WRN: variants seen among roughly 807,000 people sequenced by gnomAD.
WRN encodes bifunctional 3'-5' exonuclease/ATP-dependent helicase WRN.
Under a neutral mutation model 180.7 loss-of-function variants are expected in WRN, and 149 were observed. The observed-to-expected ratio is 0.82, with a 90% CI of 0.72 to 0.94. The LOEUF (loss-of-function observed/expected upper bound fraction) is 0.94. Ranked by LOEUF, WRN falls within the 40% of genes least tolerant of loss-of-function variation. The pLI is 0.00. For missense variants in WRN, 1,661 were observed against 1,700.1 expected, an observed-to-expected ratio of 0.98 and a Z score of 0.40; for synonymous variants, 548 against 568.9, an observed-to-expected ratio of 0.96 and a Z score of 0.52.
rs113672137 is a variant in WRN, at chr8:31,076,285, G to C, written c.837G>C (p.Arg279=). The C allele has an allele frequency of 1.4e-5, 22 of 1,611,126 alleles. No individual in the cohort carries two copies. In the African/African-American group the frequency reaches 2.4e-4, roughly 18 times the overall value. Residue 279 remains arginine (R), a splice_region_variant and synonymous_variant, in exon 8 of 35, where the codon CGG becomes CGC. Transcript: ENST00000298139. The part of the protein sequence containing the change: ...PHAFSKLENP[R]RVSILLKDIS... ...CTTTCAGTAAATTGGAAAACCCACGGAGGTTAAATATTACCTTTTTTTTTT... is the reference window on the plus strand; with the variant it reads ...CTTTCAGTAAATTGGAAAACCCACGCAGGTTAAATATTACCTTTTTTTTTT...
intron 34 of WRN, among the ~76,000 whole-genome samples, chr8:31,168,054 T>C (rs1803967486): frequency 6.6e-6 from 1 of 152,118 alleles, no homozygotes; most frequent in Non-Finnish European, 1.5e-5. Context: ...CTTTATAGGA[T>C]GTCCAGCAAT....
intron 1 of WRN, among the ~76,000 whole-genome samples, chr8:31,052,225 T>C (rs867787106): frequency 1.3e-5 from 2 of 152,298 alleles, no homozygotes; most frequent in Middle Eastern, 3.4e-3. Context: ...TGTCCCCTGA[T>C]TGTTAAAAGG....
At chr8:31,100,760 G>T (rs1814189583) in intron 17 of WRN, 89 bp from the exon 18 acceptor site, 4 of 1,078,490 alleles carry the variant, frequency 3.7e-6, no homozygotes, top group South Asian at 2.7e-5. Flanking sequence ...CTTTGATTTG[G>T]TTATTTATTC....
At chr8:31,085,136 G>A in intron 10 of WRN, 30 bp from the exon 11 acceptor site, 1 of 1,608,388 alleles carries the variant, frequency 6.2e-7, no homozygotes, top group Non-Finnish European at 8.5e-7. Flanking sequence ...AATTATATTG[G>A]AAATTAATGC....
intron 1 of WRN, among the ~76,000 whole-genome samples, chr8:31,039,744 G>A (rs1219944452): frequency 1.3e-5 from 2 of 152,024 alleles, no homozygotes; most frequent in African/African-American, 2.4e-5. Flanking sequence ...AGTTTTCTGA[G>A]TTTTTATCAT....
At chr8:31,126,736 G>A (rs1801945103) in intron 23 of WRN, among the ~76,000 whole-genome samples, 1 of 152,044 alleles carries the variant, frequency 6.6e-6, no homozygotes, top group African/African-American at 2.4e-5. Context: ...AAAGCAGCAT[G>A]CAGCATTCAT....
chr8:31,125,079 G>A, intron 23 of WRN, 79 bp downstream of exon 23: 1 of 1,349,500 alleles, frequency 7.4e-7, no homozygotes, highest in Non-Finnish European at 1.1e-6. Context: ...AATTTTTGTT[G>A]AATGATAAGT....
At chr8:31,080,459 T>TG (rs1813256833) in intron 8 of WRN, among the ~76,000 whole-genome samples, 1 of 151,830 alleles carries the variant, frequency 6.6e-6, no homozygotes, top group African/African-American at 2.4e-5. Flanking sequence ...CACCTTTTTT[T>TG]TTTTAACAAA....
At position 31,084,481 on chromosome 8, in the gene WRN, A is replaced by C. The variant is rs147937090; in HGVS notation, c.1351-685A>C. Among the ~76,000 whole-genome samples, 8 of 152,260 alleles carry C rather than the reference A, an allele frequency of 5.3e-5. No homozygotes were observed. In the East Asian group the frequency reaches 1.5e-3, roughly 29 times the overall value. On this transcript the variant is annotated intron_variant, in intron 10 of 34. Coordinates refer to ENST00000298139, the MANE Select transcript of WRN (RefSeq NM_000553.6). ...AATTTTTTTATTGCTTAAATTTTGC[A>C]GGTTAATTAAGGCTGTGCTTCCTTT...
At position 31,157,465 on chromosome 8, in the gene WRN, C is replaced by T. The variant is rs761690581; in HGVS notation, c.3917C>T (p.Ala1306Val). The T allele has an allele frequency of 6.2e-7, 1 of 1,614,122 alleles. No individual in the cohort carries two copies. Among genetic ancestry groups the T allele is most frequent in the South Asian group, 1.1e-5 (1 of 91,078 alleles). Residue 1306 changes from alanine to valine, a missense_variant, in exon 33 of 35, where the codon GCA becomes GTA. Transcript: ENST00000298139. Reference protein sequence around the residue: ...KAGCPLDLERAGLTPEVQKII... With the variant: ...KAGCPLDLERVGLTPEVQKII... The stretch of plus-strand genomic sequence containing the variant: ...GGCTGCCCCCTTGATTTGGAGCGAG[C>T]AGGCCTGACTCCAGAGGTTCAGAAG...
At position 31,081,194 on chromosome 8, in the gene WRN, A is replaced by T; in HGVS notation, c.1167A>T (p.Arg389Ser). The T allele has an allele frequency of 6.2e-7, 1 of 1,614,002 alleles. No individual in the cohort carries two copies. The highest frequency in any genetic ancestry group is 1.7e-4 in the Middle Eastern group (1 of 6,060). ...EDNKLKENME[R>S]ACLMSLDITE... ...ACAAATTGAAAGAGAATATGGAAAGAGCTTGTTTGATGTCGTTAGATATTA... is the reference window on the plus strand; with the variant it reads ...ACAAATTGAAAGAGAATATGGAAAGTGCTTGTTTGATGTCGTTAGATATTA... Residue 389 changes from arginine (R) to serine (S), a missense_variant, in exon 9 of 35, where the codon AGA becomes AGT. Around this residue, in one of 3 missense-constraint regions of WRN, gnomAD observed 500 missense variants for 504.1 expected, o/e 0.99. Coordinates refer to ENST00000298139, the MANE Select transcript of WRN (RefSeq NM_000553.6).
chr8:31,036,710 T>A (rs983847319), intron 1 of WRN, among the ~76,000 whole-genome samples: 5 of 152,338 alleles, frequency 3.3e-5, no homozygotes, highest in African/African-American at 9.6e-5. Context: ...TTAATTTTTT[T>A]ATTTTTTTGC....
chr8:31,105,159 A>G (rs1033879572), intron 18 of WRN, among the ~76,000 whole-genome samples: 4 of 152,206 alleles, frequency 2.6e-5, no homozygotes, highest in Admixed American at 2.0e-4. Flanking sequence ...TTGAGGGAAA[A>G]TCAAACCATG....
chr8:31,072,884 A>G (rs1487183650), intron 7 of WRN, among the ~76,000 whole-genome samples: 2 of 152,122 alleles, frequency 1.3e-5, no homozygotes, highest in African/African-American at 4.8e-5. Flanking sequence ...GCTTAGCAGG[A>G]TTAGAGGGAA....
At chr8:31,065,773 G>A (rs1812671978) in intron 5 of WRN, among the ~76,000 whole-genome samples, 1 of 152,106 alleles carries the variant, frequency 6.6e-6, no homozygotes, top group South Asian at 2.1e-4. Flanking sequence ...GGGATTGCTG[G>A]GGCAAATGGT....
intron 1 of WRN, among the ~76,000 whole-genome samples, chr8:31,047,640 C>T (rs1563321016): frequency 6.6e-6 from 1 of 152,158 alleles, no homozygotes; most frequent in Non-Finnish European, 1.5e-5. Flanking sequence ...TTAACATCCA[C>T]TTACTGATGA....
intron 18 of WRN, among the ~76,000 whole-genome samples, chr8:31,110,876 G>T (rs11574282): frequency 6.6e-6 from 1 of 152,030 alleles, no homozygotes; most frequent in Admixed American, 6.5e-5. Context: ...ATAAAAACAC[G>T]AGTTCTAGTT....
chr8:31,064,322 T>G lies in WRN; in HGVS notation c.243T>G (p.Phe81Leu), dbSNP rs1194660232. Reference sequence around the variant, plus strand: ...TATCAGATGGGGATGTGGTGGGATTTGACATGGAGTGGCCACCATTATACA... The same window carrying G: ...TATCAGATGGGGATGTGGTGGGATTGGACATGGAGTGGCCACCATTATACA... ...MSLSDGDVVG[F>L]DMEWPPLYNR... Residue 81 changes from phenylalanine to leucine, a missense_variant, in exon 4 of 35, where the codon TTT becomes TTG. Phe to Leu is a conservative substitution (Grantham distance 22, BLOSUM62 0). This residue lies in a region of WRN where 500 missense variants were observed against 504.1 expected (regional missense o/e 0.99). Transcript: ENST00000298139. 2.5e-6 allele frequency: 4 copies of G among 1,614,164 alleles called. No individual in the cohort carries two copies. Among genetic ancestry groups the G allele is most frequent in the Non-Finnish European group, 3.4e-6 (4 of 1,180,004 alleles).
intron 24 of WRN, among the ~76,000 whole-genome samples, chr8:31,137,391 T>C (rs894975800): frequency 6.6e-6 from 1 of 152,132 alleles, no homozygotes; most frequent in Non-Finnish European, 1.5e-5. Flanking sequence ...TTAGGGAACT[T>C]AATACCTTTG....
Sources: allele counts gnomAD v4.1 joint callset (sites outside exome capture counted in the v4.1 genomes callset), GRCh38; gene constraint gnomAD v4.1.1; regional missense constraint gnomAD v4.1.1; transcripts MANE v1.5; gene names NCBI Gene and HGNC (gene_info 2026-07-23, HGNC 2026-07-21).